Variants in PIK3R3 observed in about 807,000 individuals in gnomAD.
PIK3R3 encodes phosphatidylinositol 3-kinase regulatory subunit gamma.
A neutral mutation model predicts 62.9 loss-of-function variants in PIK3R3; 64 were observed. The observed-to-expected ratio is 1.02, with a 90% CI of 0.83 to 1.25. PIK3R3 has a LOEUF of 1.25. Ranked by LOEUF, PIK3R3 falls within the 50% of genes most tolerant of loss-of-function variation. The pLI is 0.00. For missense variants in PIK3R3, 614 were observed against 561.6 expected (o/e 1.09, Z -0.94); for synonymous variants, 165 against 189.0 (o/e 0.87, Z 1.04).
chr1:46,119,821 A>T (rs958037778), intron 1 of PIK3R3, among the ~76,000 whole-genome samples: 1 of 142,812 alleles, frequency 7.0e-6, no homozygotes, highest in African/African-American at 2.6e-5. Context: ...TCTGTCACCC[A>T]GGCTGGAGTA....
chr1:46,058,545 G>C (rs989283357), intron 6 of PIK3R3, among the ~76,000 whole-genome samples: 1 of 152,232 alleles, frequency 6.6e-6, no homozygotes, highest in African/African-American at 2.4e-5. Context: ...CCCAGACCAT[G>C]GGAACCCATC....
the PIK3R3 span, among the ~76,000 whole-genome samples, chr1:46,146,249 C>T: frequency 6.6e-6 from 1 of 152,186 alleles, no homozygotes; most frequent in African/African-American, 2.4e-5. Flanking sequence ...AGGGCTTCCT[C>T]GTGAACTCTA....
chr1:46,054,792 T>C (rs1647715017), intron 7 of PIK3R3, among the ~76,000 whole-genome samples: 1 of 152,256 alleles, frequency 6.6e-6, no homozygotes, highest in Non-Finnish European at 1.5e-5. Flanking sequence ...ATTATGCCTA[T>C]ATTTGGCTAA....
chr1:46,154,388 C>T, the PIK3R3 span, among the ~76,000 whole-genome samples: 3 of 151,896 alleles, frequency 2.0e-5, no homozygotes, highest in Non-Finnish European at 2.9e-5. Context: ...AGCAACACAG[C>T]GAGACCCCAA....
At chr1:46,104,272 C>T (rs192447338) in intron 1 of PIK3R3, among the ~76,000 whole-genome samples, 3 of 152,180 alleles carry the variant, frequency 2.0e-5, no homozygotes, top group East Asian at 1.9e-4. Flanking sequence ...GGAAATCGTA[C>T]GGGCCTAGAA....
intron 1 of PIK3R3, among the ~76,000 whole-genome samples, chr1:46,101,934 C>G (rs1407685253): frequency 7.1e-6 from 1 of 141,698 alleles, no homozygotes; most frequent in Non-Finnish European, 1.5e-5. Context: ...TATTTTATAA[C>G]TTTAAAAAAT....
At chr1:46,128,806 C>T (rs771201243) in intron 1 of PIK3R3, among the ~76,000 whole-genome samples, 5 of 152,106 alleles carry the variant, frequency 3.3e-5, no homozygotes, top group Admixed American at 2.0e-4. Flanking sequence ...GTAGGCCAGG[C>T]GCGGGGTCTC....
intron 3 of PIK3R3, among the ~76,000 whole-genome samples, chr1:46,072,827 C>T (rs1272944964): frequency 1.3e-5 from 2 of 152,026 alleles, no homozygotes; most frequent in Non-Finnish European, 2.9e-5. Flanking sequence ...CATGGTGGCA[C>T]ACCCCTGTAG....
the PIK3R3 span, among the ~76,000 whole-genome samples, chr1:46,164,982 A>G: frequency 4.6e-5 from 7 of 151,894 alleles, no homozygotes; most frequent in East Asian, 1.4e-3. Flanking sequence ...CTACAGGTGC[A>G]TCACTATGCC....
chr1:46,145,388 T>G, the PIK3R3 span, among the ~76,000 whole-genome samples: 19 of 151,378 alleles, frequency 1.3e-4, no homozygotes, highest in Admixed American at 9.2e-4. Context: ...AAAAAAAAGA[T>G]ATTTATTTTG....
At chr1:46,126,984 T>G (rs564946782) in intron 1 of PIK3R3, among the ~76,000 whole-genome samples, 1 of 152,236 alleles carries the variant, frequency 6.6e-6, no homozygotes, top group African/African-American at 2.4e-5. Context: ...TATTCATGTT[T>G]TGCAAAACAA....
intron 6 of PIK3R3, among the ~76,000 whole-genome samples, chr1:46,057,787 G>A (rs1268055384): frequency 2.0e-5 from 3 of 152,146 alleles, no homozygotes; most frequent in African/African-American, 7.2e-5. Flanking sequence ...AAAGCATTCA[G>A]TTTTAAAAGA....
chr1:46,065,841 T>C, intron 5 of PIK3R3, among the ~76,000 whole-genome samples: 1 of 152,246 alleles, frequency 6.6e-6, no homozygotes, highest in East Asian at 1.9e-4. Flanking sequence ...TTTGGTTTTA[T>C]TTTGTCACTT....
chr1:46,047,448 A>AAAAAG (rs1553143013), intron 7 of PIK3R3, among the ~76,000 whole-genome samples: 4,255 of 141,684 alleles, frequency 0.03, 238 homozygotes, highest in African/African-American at 0.1. Context: ...AAAAAAAAAA[A>AAAAAG]AAAGAAAGAA....
At chr1:46,109,210 A>G (rs967397596) in intron 1 of PIK3R3, among the ~76,000 whole-genome samples, 1 of 151,730 alleles carries the variant, frequency 6.6e-6, no homozygotes, top group Non-Finnish European at 1.5e-5. Flanking sequence ...TACTTCTCTA[A>G]CTACCTCTTA....
intron 1 of PIK3R3, among the ~76,000 whole-genome samples, chr1:46,125,306 C>T (rs951996501): frequency 1.1e-4 from 17 of 152,002 alleles, no homozygotes; most frequent in African/African-American, 4.1e-4. Flanking sequence ...ATGGCTTTTA[C>T]ATCATTTGAT....
At chr1:46,103,307 G>A (rs534933190) in intron 1 of PIK3R3, among the ~76,000 whole-genome samples, 3 of 151,976 alleles carry the variant, frequency 2.0e-5, no homozygotes, top group Non-Finnish European at 4.4e-5. Context: ...GGCCAGGCAC[G>A]GTGACTCACA....
intron 7 of PIK3R3, among the ~76,000 whole-genome samples, chr1:46,049,336 T>A (rs576859266): frequency 6.6e-6 from 1 of 152,194 alleles, no homozygotes; most frequent in Non-Finnish European, 1.5e-5. Context: ...AAGAAGAGAG[T>A]TTGTGTTTCA....
intron 1 of PIK3R3, among the ~76,000 whole-genome samples, chr1:46,107,213 G>T (rs1204757220): frequency 1.3e-5 from 2 of 152,094 alleles, no homozygotes; most frequent in Non-Finnish European, 2.9e-5. Context: ...AGCCAGGCAT[G>T]GTGGCAGGTG....
Sources: allele counts gnomAD v4.1 joint callset (sites outside exome capture counted in the v4.1 genomes callset), GRCh38; gene constraint gnomAD v4.1.1; transcripts MANE v1.5; gene names NCBI Gene and HGNC (gene_info 2026-07-23, HGNC 2026-07-21).